Variants in ZSCAN4 observed in about 807,000 individuals in gnomAD.
The protein encoded by ZSCAN4 is zinc finger and SCAN domain containing 4, also known as zinc finger and SCAN domain-containing protein 4.
In ZSCAN4, 18 loss-of-function variants were observed where a neutral mutation model predicts 18.3. That is an observed-to-expected ratio of 0.98 (90% CI 0.68 to 1.46). The LOEUF is 1.46. Ranked by LOEUF, ZSCAN4 falls within the 40% of genes most tolerant of loss-of-function variation. The pLI is 0.00. For synonymous variants in ZSCAN4, 193 were observed against 180.3 expected (o/e 1.07, Z -0.57); for missense variants, 498 against 511.4 (o/e 0.97, Z 0.25).
rs756961045 is a variant in ZSCAN4 at position 57,674,001 on chromosome 19, G to A, written c.-105-2040G>A. On this transcript the variant is annotated intron_variant, in intron 2 of 4. Coordinates refer to ENST00000318203, the Ensembl canonical transcript of ZSCAN4. The stretch of plus-strand genomic sequence containing the variant: ...ACTCCTGGTTTCAAGTGATCTGCCC[G>A]CCTCGGCCTCCCAAAGTGTTGGGAT... 4.1e-4 allele frequency among the ~76,000 whole-genome samples: 63 copies of A among 152,146 alleles called. 1 individual carries two copies. The highest frequency in any genetic ancestry group is 7.5e-4 in the Non-Finnish European group (51 of 68,028).
At chr19:57,678,397 G>C (rs760112751) in exon 5 of ZSCAN4, 1 of 1,614,120 alleles carries the variant, frequency 6.2e-7, no homozygotes, top group South Asian at 1.1e-5. Flanking sequence ...ACTTTCCAAG[G>C]TGTCCCTATG....
At chr19:57,667,802 C>T (rs1192602156), upstream of ZSCAN4, among the ~76,000 whole-genome samples, 1 of 152,156 alleles carries the variant, frequency 6.6e-6, no homozygotes, top group Non-Finnish European at 1.5e-5. Context: ...CAGAAGCAGA[C>T]AGGAAATGCT....
chr19:57,676,364 G>A (rs1308005418), exon 3 of ZSCAN4: 1 of 1,614,178 alleles, frequency 6.2e-7, no homozygotes, highest in Admixed American at 1.7e-5. Flanking sequence ...ACTCATGGCT[G>A]CAACCAGAAA....
At chr19:57,678,059 C>T in exon 4 of ZSCAN4, 8 of 1,583,790 alleles carry the variant, frequency 5.1e-6, no homozygotes, top group Non-Finnish European at 6.9e-6. Context: ...TCCCAAGATA[C>T]TTCCTTAGAA....
rs140263735 is a variant in ZSCAN4, at chr19:57,677,848, C to T, written c.397-66C>T. ...GCTTGTGAGAGCCTGTTAAGGACCACTTTTCCAAAAAGTCTTCTGTTACAC... is the reference window on the plus strand; with the variant it reads ...GCTTGTGAGAGCCTGTTAAGGACCATTTTTCCAAAAAGTCTTCTGTTACAC... On this transcript the variant is annotated intron_variant, in intron 3 of 4. Transcript: ENST00000318203. 4.8e-4 allele frequency: 698 copies of T among 1,461,674 alleles called. 4 individuals are homozygous for T. In the East Asian group the frequency reaches 0.016, roughly 34 times the overall value. The allele number at this position is 1,461,674 out of a possible 1,614,324, so 90.5% of individuals were successfully genotyped here. A position where few individuals can be genotyped will look rare whatever the true frequency, so the allele number is the denominator to read the frequency against.
At chr19:57,675,567 C>T (rs1045384328) in intron 2 of ZSCAN4, among the ~76,000 whole-genome samples, 2 of 152,194 alleles carry the variant, frequency 1.3e-5, no homozygotes, top group Non-Finnish European at 2.9e-5. Context: ...TAGGAGTGAG[C>T]CACTGTGCCC....
At chr19:57,665,646 G>A (rs1304894630), upstream of ZSCAN4, among the ~76,000 whole-genome samples, 1 of 152,124 alleles carries the variant, frequency 6.6e-6, no homozygotes, top group Non-Finnish European at 1.5e-5. Context: ...AAGGCCGGGC[G>A]CGGTGGCTCA....
rs781385848 is a variant in ZSCAN4, at chr19:57,678,279, AAC to A, written c.677_678del (p.Asn226ArgfsTer3). 5 of 1,614,104 alleles carry A rather than the reference AAC, an allele frequency of 3.1e-6. No individual in the cohort carries two copies. The East Asian group carries it at 1.1e-4, about 36-fold the overall frequency. ...TTCCCTAATCATCATCCAGGAAGAG[AAC>A]GGTCCTAGGCCTGAAGAGGGAGGTG... On this transcript the variant is annotated frameshift_variant, in exon 5 of 5. Coordinates refer to ENST00000318203, the Ensembl canonical transcript of ZSCAN4. LOFTEE classifies it low-confidence loss of function (END_TRUNC).
chr19:57,676,270 T>C, exon 3 of ZSCAN4: 6 of 1,614,168 alleles, frequency 3.7e-6, no homozygotes, highest in Non-Finnish European at 4.2e-6. Context: ...ATTTCTGAGT[T>C]CTCAAGAATG....
chr19:57,668,083 T>C (rs1248550763), upstream of ZSCAN4, among the ~76,000 whole-genome samples: 1 of 151,976 alleles, frequency 6.6e-6, no homozygotes, highest in Non-Finnish European at 1.5e-5. Flanking sequence ...TGTATTTTTT[T>C]AGTAGAGACG....
chr19:57,660,134 A>G, the ZSCAN4 span, among the ~76,000 whole-genome samples: 1 of 152,188 alleles, frequency 6.6e-6, no homozygotes, highest in Non-Finnish European at 1.5e-5. Context: ...ATGCCAAGTG[A>G]GTAACTCATG....
At chr19:57,656,536 G>T in the ZSCAN4 span, among the ~76,000 whole-genome samples, 1 of 152,108 alleles carries the variant, frequency 6.6e-6, no homozygotes, top group East Asian at 1.9e-4. Context: ...CCCAGTTTGT[G>T]GTCAGACTTC....
At chr19:57,663,686 GA>G in the ZSCAN4 span, among the ~76,000 whole-genome samples, 1 of 127,700 alleles carries the variant, frequency 7.8e-6, no homozygotes, top group South Asian at 2.6e-4. Flanking sequence ...CAGCCTGGGT[GA>G]CAAGAGTGAC....
upstream of ZSCAN4, among the ~76,000 whole-genome samples, chr19:57,666,238 G>C (rs1448885513): frequency 6.6e-6 from 1 of 152,174 alleles, no homozygotes; most frequent in African/African-American, 2.4e-5. Flanking sequence ...ATGCGCCCTG[G>C]AGAATTTCCA....
At chr19:57,660,357 A>G in the ZSCAN4 span, among the ~76,000 whole-genome samples, 1 of 152,194 alleles carries the variant, frequency 6.6e-6, no homozygotes, top group African/African-American at 2.4e-5. Context: ...GTTAGATGAC[A>G]ATGGTAAGCT....
chr19:57,676,229 C>G, exon 3 of ZSCAN4: 1 of 1,613,974 alleles, frequency 6.2e-7, no homozygotes, highest in Non-Finnish European at 8.5e-7. Flanking sequence ...TTCAACAAAG[C>G]CAAGGACCTG....
At chr19:57,668,105 T>A (rs550377626), upstream of ZSCAN4, among the ~76,000 whole-genome samples, 36 of 152,158 alleles carry the variant, frequency 2.4e-4, no homozygotes, top group African/African-American at 8.7e-4. Context: ...GGTTTCATCA[T>A]GTTGGCCAGG....
intron 2 of ZSCAN4, among the ~76,000 whole-genome samples, chr19:57,673,341 T>C (rs943044065): frequency 4.6e-5 from 7 of 152,120 alleles, no homozygotes; most frequent in Non-Finnish European, 8.8e-5. Flanking sequence ...ATTTATTTTA[T>C]AAATGAAAGT....
intron 3 of ZSCAN4, among the ~76,000 whole-genome samples, chr19:57,676,998 G>A (rs772595695): frequency 5.3e-5 from 8 of 152,090 alleles, no homozygotes; most frequent in Non-Finnish European, 1.0e-4. Context: ...AGGCGGTCTC[G>A]AACTCCTGGC....
Sources: allele counts gnomAD v4.1 joint callset (sites outside exome capture counted in the v4.1 genomes callset), GRCh38; gene constraint gnomAD v4.1.1; transcripts MANE v1.5; gene names NCBI Gene and HGNC (gene_info 2026-07-23, HGNC 2026-07-21).